Variants in PIGT observed in about 807,000 individuals in gnomAD.
The protein encoded by PIGT is phosphatidylinositol glycan anchor biosynthesis class T, also known as GPI-anchor transamidase component PIGT.
A neutral mutation model predicts 66.7 loss-of-function variants in PIGT; 57 were observed. The observed-to-expected ratio is 0.86, with a 90% CI of 0.69 to 1.07. PIGT has a LOEUF of 1.07. PIGT is among the 50% of genes least tolerant of loss of function. The pLI is 0.00. For synonymous variants in PIGT, 362 were observed against 320.5 expected, an observed-to-expected ratio of 1.13 and a Z score of -1.38; for missense variants, 725 against 740.4, an observed-to-expected ratio of 0.98 and a Z score of 0.24.
At chr20:45,418,529 A>G in intron 2 of PIGT, 1 of 359,404 alleles carries the variant, frequency 2.8e-6, no homozygotes, top group Non-Finnish European at 5.4e-6. Flanking sequence ...GGCTTCGTGG[A>G]GGGGAGGTAA....
rs779731196 is a variant in PIGT, at chr20:45,416,602, A to G, written c.273A>G (p.Gln91=). The part of the protein sequence containing the change: ...SLRELHLSFT[Q]GFWRTRYWGP... ...GGGAGCTGCACCTGTCATTCACACA[A>G]GGCTTTTGGAGGACCCGATACTGGG... The change falls in exon 2 of 12, where the codon CAA becomes CAG. Residue 91 remains glutamine, a synonymous_variant. Transcript: ENST00000279036. 6 of 1,614,180 alleles carry G rather than the reference A, an allele frequency of 3.7e-6. No homozygotes were observed. In the Admixed American group the frequency reaches 8.3e-5, roughly 22 times the overall value.
At chr20:45,420,773 A>T in intron 8 of PIGT, 80 bp downstream of exon 8, 1 of 1,415,838 alleles carries the variant, frequency 7.1e-7, no homozygotes. Flanking sequence ...TTGCCGTTAG[A>T]TGATTGGGTT....
intron 2 of PIGT, chr20:45,417,477 T>C (rs544558838): frequency 1.6e-4 from 24 of 152,272 alleles, no homozygotes; most frequent in African/African-American, 5.5e-4. Flanking sequence ...AGGCCTAATG[T>C]GGTCAGAGTC....
intron 9 of PIGT, chr20:45,421,906 G>A (rs6130821): frequency 4.5e-6 from 1 of 224,214 alleles, no homozygotes; most frequent in Admixed American, 5.6e-5. Flanking sequence ...GACTCTTTAA[G>A]GTAGGGAAAG....
intron 9 of PIGT, chr20:45,422,432 A>G (rs2145459723): frequency 6.6e-6 from 1 of 150,444 alleles, no homozygotes; most frequent in East Asian, 1.9e-4. Flanking sequence ...AATCCCCTGT[A>G]CACACCCTGC....
intron 11 of PIGT, 183 bp from the exon 12 acceptor site, chr20:45,425,391 C>T: frequency 2.3e-6 from 1 of 442,390 alleles, no homozygotes; most frequent in Non-Finnish European, 4.1e-6. Flanking sequence ...CCTCCCCTTG[C>T]CCCCCGCCCG....
At chr20:45,422,053 T>G (rs1990398469) in intron 9 of PIGT, 1 of 152,016 alleles carries the variant, frequency 6.6e-6, no homozygotes, top group South Asian at 2.1e-4. Context: ...TTTATTTTTA[T>G]TTTCTATTAT....
intron 11 of PIGT, 39 bp from the exon 12 acceptor site, chr20:45,425,535 G>GCAGC: frequency 6.3e-7 from 1 of 1,598,372 alleles, no homozygotes; most frequent in Non-Finnish European, 8.5e-7. Flanking sequence ...ATGGGGAGGA[G>GCAGC]CAGCCAGTCC....
chr20:45,425,386 C>T, intron 11 of PIGT, 188 bp from the exon 12 acceptor site: 1 of 495,098 alleles, frequency 2.0e-6, no homozygotes, highest in South Asian at 2.0e-5. Flanking sequence ...CTCTCCCTCC[C>T]CTTGCCCCCC....
At chr20:45,423,897 C>T in intron 9 of PIGT, 1 of 337,952 alleles carries the variant, frequency 3.0e-6, no homozygotes, top group Non-Finnish European at 5.6e-6. Flanking sequence ...AAGAAAAATT[C>T]CCAGGTGGTT....
At chr20:45,421,326 G>C (rs1172933454) in intron 8 of PIGT, 57 bp from the exon 9 acceptor site, 1 of 1,460,652 alleles carries the variant, frequency 6.8e-7, no homozygotes, top group Non-Finnish European at 9.3e-7. Flanking sequence ...GGGCAGGTGG[G>C]GTGGGGAGTG....
chr20:45,420,928 G>A (rs897139360), intron 8 of PIGT: 3 of 580,262 alleles, frequency 5.2e-6, no homozygotes, highest in African/African-American at 3.7e-5. Flanking sequence ...ATGAGATGAT[G>A]TGAAAAATGG....
Position 45,416,544 on chromosome 20 carries a change from C to T in PIGT, c.215C>T (p.Ala72Val). 2.5e-6 allele frequency: 4 copies of T among 1,614,180 alleles called. No homozygotes were observed. Among genetic ancestry groups the T allele is most frequent in the East Asian group, 4.5e-5 (2 of 44,882 alleles). Residue 72 changes from alanine to valine, a missense_variant, in exon 2 of 12, where the codon GCC (alanine) becomes GTC (valine). Physicochemically the swap from Ala to Val is moderately conservative, Grantham distance 64 (BLOSUM62 0). Transcript: ENST00000279036. ...TCCCATTACAGGCTCTTTCCCAAAG[C>T]CCTGGGGCAGCTGATCTCCAAGTAT... ...GVSHYRLFPK[A>V]LGQLISKYSL...
rs1221413630 is a variant in PIGT, at chr20:45,419,362, C to A, written c.561C>A (p.Thr187=). The A allele has an allele frequency of 6.2e-7, 1 of 1,614,002 alleles. No homozygotes were observed. Among genetic ancestry groups the A allele is most frequent in the Non-Finnish European group, 8.5e-7 (1 of 1,179,892 alleles). Residue 187 remains threonine (T), a synonymous_variant, in exon 4 of 12, where the codon ACC becomes ACA. Coordinates refer to ENST00000279036, the MANE Select transcript of PIGT (RefSeq NM_015937.6). ...AGGTGGTCTGCACCGAAAACCTCAC[C>A]CCCTGGAAGAAGCTCTTGCCCTGTA... is the stretch of plus-strand genomic sequence containing the variant. The part of the protein sequence containing the change: ...PREVVCTENL[T]PWKKLLPCSS...
At chr20:45,421,654 C>G in intron 9 of PIGT, 71 bp downstream of exon 9, 2 of 1,284,542 alleles carry the variant, frequency 1.6e-6, no homozygotes, top group Non-Finnish European at 2.2e-6. Context: ...CCCAAACTCT[C>G]ATTTCCCAGG....
intron 9 of PIGT, chr20:45,421,844 T>G (rs1173343417): frequency 2.4e-6 from 1 of 410,252 alleles, no homozygotes; most frequent in Non-Finnish European, 4.4e-6. Context: ...AGCTTCCTTT[T>G]TCACTTACTT....
In PIGT at chr20:45,416,377, C is replaced by G. The variant is rs202092703; in HGVS notation, c.187+34C>G. ...GCGAGATCTGACCAGGGAAAGATTT[C>G]CGTAGTGCCTGCTGGCTGGCCGGCC... On this transcript the variant is annotated intron_variant, in intron 1 of 11. Transcript: ENST00000279036. The G allele has an allele frequency of 5.1e-6, 8 of 1,556,888 alleles. No individual in the cohort carries two copies. The East Asian group carries it at 1.8e-4, about 35-fold the overall frequency.
In PIGT at chr20:45,420,415, A is replaced by G. The variant is rs1439472715; in HGVS notation, c.853A>G (p.Thr285Ala). 1.9e-6 allele frequency: 3 copies of G among 1,613,192 alleles called. No homozygotes were observed. The highest frequency in any genetic ancestry group is 2.5e-6 in the Non-Finnish European group (3 of 1,179,670). The change falls in exon 7 of 12, where the codon ACC (threonine) becomes GCC (alanine). Residue 285 changes from threonine to alanine, a missense_variant. Physicochemically the swap from Thr to Ala is moderately conservative, Grantham distance 58 (BLOSUM62 0). Coordinates refer to ENST00000279036, the MANE Select transcript of PIGT (RefSeq NM_015937.6). ...AGAGAGCCGAGTCTATGTGGACATC[A>G]CCACCTACAACCAGGTAACAAGGTC... is the stretch of plus-strand genomic sequence containing the variant. ...ASESRVYVDI[T>A]TYNQDNETLE...
At position 45,416,547 on chromosome 20, in the gene PIGT, T is replaced by C; in HGVS notation, c.218T>C (p.Leu73Pro). Residue 73 changes from leucine (L) to proline (P), a missense_variant, in exon 2 of 12, where the codon CTG becomes CCG. Transcript: ENST00000279036. Reference sequence around the variant, plus strand: ...CATTACAGGCTCTTTCCCAAAGCCCTGGGGCAGCTGATCTCCAAGTATTCT... The same window carrying C: ...CATTACAGGCTCTTTCCCAAAGCCCCGGGGCAGCTGATCTCCAAGTATTCT... ...VSHYRLFPKA[L>P]GQLISKYSLR... is the part of the protein sequence containing the mutation. 6.2e-7 allele frequency: 1 copy of C among 1,614,192 alleles called. No homozygotes were observed. The highest frequency in any genetic ancestry group is 1.1e-5 in the South Asian group (1 of 91,072).
Sources: gnomAD v4.1 joint callset for allele counts on GRCh38, gnomAD v4.1.1 for gene constraint, MANE v1.5 for transcripts, NCBI Gene and HGNC (gene_info 2026-07-23, HGNC 2026-07-21) for gene names.